SPTA1: variants seen among roughly 807,000 people sequenced by gnomAD.
The protein encoded by SPTA1 is spectrin alpha chain, erythrocytic 1.
In SPTA1, 177 loss-of-function variants were observed where a neutral mutation model predicts 324.7. That is an observed-to-expected ratio of 0.55 (90% CI 0.48 to 0.62). SPTA1 has a LOEUF of 0.62. Ranked by LOEUF, SPTA1 falls within the 20% of genes least tolerant of loss-of-function variation. The pLI is 0.00. For missense variants in SPTA1, 3,162 were observed against 2,883.6 expected, an observed-to-expected ratio of 1.10 and a Z score of -2.21; for synonymous variants, 1,195 against 1,041.3, an observed-to-expected ratio of 1.15 and a Z score of -2.84.
intron 35 of SPTA1, 127 bp from the exon 36 acceptor site, chr1:158,638,368 A>C: frequency 1.1e-6 from 1 of 918,974 alleles, no homozygotes; most frequent in Non-Finnish European, 1.7e-6. Context: ...ATGGAGTTTG[A>C]TTATGTGTTA....
intron 16 of SPTA1, among the ~76,000 whole-genome samples, chr1:158,665,012 T>A (rs1160654118): frequency 6.6e-6 from 1 of 152,194 alleles, no homozygotes; most frequent in Non-Finnish European, 1.5e-5. Context: ...CTTTTTCAAC[T>A]TTAACATTCT....
At chr1:158,663,127 G>A (rs144143512) in intron 16 of SPTA1, among the ~76,000 whole-genome samples, 182 bp from the exon 17 acceptor site, 1 of 152,224 alleles carries the variant, frequency 6.6e-6, no homozygotes, top group African/African-American at 2.4e-5. Flanking sequence ...ACCACATCAG[G>A]TAAGGGCTAT....
intron 2 of SPTA1, 48 bp downstream of exon 2, chr1:158,685,060 C>T: frequency 5.6e-6 from 9 of 1,611,928 alleles, no homozygotes; most frequent in Non-Finnish European, 6.8e-6. Context: ...ATTTCCTTCT[C>T]TAGAGATCTT....
At chr1:158,657,811 C>T (rs569901643) in intron 18 of SPTA1, 117 bp from the exon 19 acceptor site, 79 of 1,072,434 alleles carry the variant, frequency 7.4e-5, no homozygotes, top group Admixed American at 1.1e-4. Flanking sequence ...GTTATTTAGT[C>T]GACGTTATAT....
At chr1:158,662,423 G>A (rs1347721471) in intron 17 of SPTA1, among the ~76,000 whole-genome samples, 2 of 152,144 alleles carry the variant, frequency 1.3e-5, no homozygotes, top group East Asian at 3.8e-4. Context: ...ACTGTTCAAA[G>A]ACCTTCACAG....
In SPTA1 at chr1:158,646,275, T is replaced by C. The variant is rs1448383751; in HGVS notation, c.3897-681A>G. Among the ~76,000 whole-genome samples the C allele has an allele frequency of 2.0e-5, 3 of 152,170 alleles. No individual in the cohort carries two copies. The East Asian group carries it at 5.8e-4, about 29-fold the overall frequency. On this transcript the variant is annotated intron_variant, in intron 27 of 51. Coordinates refer to ENST00000643759, the MANE Select transcript of SPTA1 (RefSeq NM_003126.4). Reference sequence around the variant, plus strand: ...CTTTAAAGCATATATGGTGTATAAATTAAGCATCTCATAAAGAATGTCATT... The same window carrying C: ...CTTTAAAGCATATATGGTGTATAAACTAAGCATCTCATAAAGAATGTCATT...
At chr1:158,658,218 C>A (rs1472565723) in intron 18 of SPTA1, among the ~76,000 whole-genome samples, 1 of 152,070 alleles carries the variant, frequency 6.6e-6, no homozygotes, top group Admixed American at 6.6e-5. Context: ...GGGCTGTAGG[C>A]CTGGGTAGCT....
chr1:158,657,002 T>C (rs1467844216), intron 19 of SPTA1, among the ~76,000 whole-genome samples: 1 of 152,126 alleles, frequency 6.6e-6, no homozygotes, highest in African/African-American at 2.4e-5. Flanking sequence ...GTTCCAAAGG[T>C]TTGTGAAATA....
chr1:158,614,344 A>G (rs774592298), intron 48 of SPTA1, 38 bp from the exon 49 acceptor site: 18 of 1,423,260 alleles, frequency 1.3e-5, no homozygotes, highest in East Asian at 4.6e-5. Flanking sequence ...TTCCCTGTAT[A>G]TGAAACACAG....
At chr1:158,640,283 C>T (rs1651448568) in intron 33 of SPTA1, among the ~76,000 whole-genome samples, 1 of 150,246 alleles carries the variant, frequency 6.7e-6, no homozygotes, top group African/African-American at 2.5e-5. Context: ...AAATGTAAAA[C>T]AAGCATGATA....
intron 49 of SPTA1, 89 bp downstream of exon 49, chr1:158,614,164 G>A: frequency 9.3e-7 from 1 of 1,075,486 alleles, no homozygotes; most frequent in Non-Finnish European, 1.4e-6. Flanking sequence ...ATTCCACCAA[G>A]CCTCACAGAG....
chr1:158,682,182 A>G (rs76323100), intron 3 of SPTA1, among the ~76,000 whole-genome samples: 4,744 of 152,308 alleles, frequency 0.031, 239 homozygotes, highest in African/African-American at 0.11. Flanking sequence ...GAGAATCTAC[A>G]GAGGGCTTTG....
At chr1:158,635,485 C>A (rs1650999843) in intron 38 of SPTA1, among the ~76,000 whole-genome samples, 1 of 152,042 alleles carries the variant, frequency 6.6e-6, no homozygotes, top group Non-Finnish European at 1.5e-5. Flanking sequence ...TTCTTTATAT[C>A]AATGTGAGAA....
At chr1:158,679,730 G>A (rs557508347) in intron 5 of SPTA1, among the ~76,000 whole-genome samples, 1 of 152,066 alleles carries the variant, frequency 6.6e-6, no homozygotes, top group Non-Finnish European at 1.5e-5. Context: ...CTGATTCACA[G>A]AGTCATTAAC....
intron 16 of SPTA1, among the ~76,000 whole-genome samples, chr1:158,664,634 T>C (rs186662617): frequency 6.6e-6 from 1 of 152,282 alleles, no homozygotes; most frequent in East Asian, 1.9e-4. Flanking sequence ...ACCTGCAGTT[T>C]TTGCACATGT....
intron 23 of SPTA1, among the ~76,000 whole-genome samples, chr1:158,651,927 G>GCA (rs1491576887): frequency 2.6e-5 from 4 of 151,122 alleles, no homozygotes; most frequent in African/African-American, 7.4e-5. Context: ...GTGTGTGCGC[G>GCA]TGTGTGTGTG....
chr1:158,672,104 G>C lies in SPTA1; in HGVS notation c.1443C>G (p.Phe481Leu). ...TGTCCACTTGCTCACTGTCTCTGTA[G>C]AAGAGATGAAAGTCCAAGCACTGCT... ...QYEQCLDFHL[F>L]YRDSEQVDSW... The change falls in exon 11 of 52, where the codon TTC (phenylalanine) becomes TTG (leucine). Residue 481 changes from phenylalanine to leucine, a missense_variant. Physicochemically the swap from Phe to Leu is conservative, Grantham distance 22 (BLOSUM62 0). Coordinates refer to ENST00000643759, the MANE Select transcript of SPTA1 (RefSeq NM_003126.4). The C allele has an allele frequency of 6.2e-7, 1 of 1,614,088 alleles. No individual in the cohort carries two copies. The highest frequency in any genetic ancestry group is 8.5e-7 in the Non-Finnish European group (1 of 1,179,980).
chr1:158,647,737 G>C lies in SPTA1; in HGVS notation c.3715-17C>G, dbSNP rs1052177139. ...TATGGTCACCTGGGGAGGTACAATAGCTCTGATAATCAGCCTAGAGACACA... is the reference window on the plus strand; with the variant it reads ...TATGGTCACCTGGGGAGGTACAATACCTCTGATAATCAGCCTAGAGACACA... On this transcript the variant is annotated splice_polypyrimidine_tract_variant and intron_variant, in intron 26 of 51. Transcript: ENST00000643759. The C allele has an allele frequency of 8.1e-6, 13 of 1,613,648 alleles. No homozygotes were observed. The highest frequency in any genetic ancestry group is 3.3e-4 in the Middle Eastern group (2 of 6,052).
chr1:158,638,199 A>G lies in SPTA1; in HGVS notation c.5023T>C (p.Ser1675Pro). ...TGATCAACGTTGAAAGTCCCGCTGGAGAGCAAATCTTCAGCCAATGTATTC... is the reference window on the plus strand; with the variant it reads ...TGATCAACGTTGAAAGTCCCGCTGGGGAGCAAATCTTCAGCCAATGTATTC... ...DLNTLAEDLL[S>P]SGTFNVDQIV... is the part of the protein sequence containing the mutation. Residue 1675 changes from serine to proline, a missense_variant, in exon 36 of 52, where the codon TCC (serine) becomes CCC (proline). Physicochemically the swap from Ser to Pro is moderately conservative, Grantham distance 74. Transcript: ENST00000643759. The G allele has an allele frequency of 1.2e-6, 2 of 1,613,700 alleles. No homozygotes were observed. The highest frequency in any genetic ancestry group is 1.7e-6 in the Non-Finnish European group (2 of 1,179,950).
Sources: allele counts gnomAD v4.1 joint callset (sites outside exome capture counted in the v4.1 genomes callset), GRCh38; gene constraint gnomAD v4.1.1; transcripts MANE v1.5; gene names NCBI Gene and HGNC (gene_info 2026-07-23, HGNC 2026-07-21).